The following ZDHHC11 variants were observed in gnomAD, a reference collection of about 807,000 sequenced individuals.
The protein encoded by ZDHHC11 is zDHHC palmitoyltransferase 11.
A neutral mutation model predicts 51.3 loss-of-function variants in ZDHHC11; 44 were observed. The observed-to-expected ratio is 0.86, with a 90% CI of 0.67 to 1.10. The LOEUF (loss-of-function observed/expected upper bound fraction) is 1.10, where lower values mean the gene tolerates loss of function less well. Ranked by LOEUF, ZDHHC11 falls within the 50% of genes least tolerant of loss-of-function variation. The pLI, the probability that ZDHHC11 is intolerant of heterozygous loss-of-function variation, is 0.00. For synonymous variants in ZDHHC11, 163 were observed against 222.0 expected, an observed-to-expected ratio of 0.73 and a Z score of 2.36; for missense variants, 400 against 537.7, an observed-to-expected ratio of 0.74 and a Z score of 2.53.
intron 11 of ZDHHC11, among the ~76,000 whole-genome samples, chr5:805,902 G>A (rs1739179788): frequency 6.6e-6 from 1 of 151,128 alleles, no homozygotes; most frequent in South Asian, 2.1e-4. Context: ...GGATGGGGGT[G>A]GGATGTGAGG....
chr5:797,197 ACT>A (rs1172808944), intron 12 of ZDHHC11, among the ~76,000 whole-genome samples: 2 of 149,534 alleles, frequency 1.3e-5, no homozygotes, highest in East Asian at 2.0e-4. Flanking sequence ...ACACAGCGAG[ACT>A]CTGTCTAAAT....
At chr5:838,899 A>AT (rs1221579173) in intron 5 of ZDHHC11, among the ~76,000 whole-genome samples, 1 of 148,968 alleles carries the variant, frequency 6.7e-6, no homozygotes, top group Non-Finnish European at 1.5e-5. Flanking sequence ...CCAGGGAAAC[A>AT]TTTTGTACAC....
chr5:837,498 G>A lies in ZDHHC11; in HGVS notation c.785-18C>T, dbSNP rs188647029. 11,052 of 1,605,802 alleles carry A rather than the reference G, an allele frequency of 6.9e-3. 138 individuals carry two copies. Among genetic ancestry groups the A allele is most frequent in the Middle Eastern group, 8.4e-3 (51 of 6,048 alleles). On this transcript the variant is annotated intron_variant, in intron 5 of 12. Transcript: ENST00000283441. ...CTTGGCCTCTGGAAAGGGAAAAGGA[G>A]GAACAGGACAAGATACCAGCCCTGC...
intron 11 of ZDHHC11, among the ~76,000 whole-genome samples, chr5:808,701 A>ATTTTTT (rs1161740691): frequency 5.4e-5 from 7 of 129,254 alleles, no homozygotes; most frequent in Non-Finnish European, 1.0e-4. Context: ...AACCTAGCTA[A>ATTTTTT]TTTTTTTTTT....
intron 11 of ZDHHC11, among the ~76,000 whole-genome samples, chr5:801,903 TAA>T (rs1738481082): frequency 6.6e-6 from 1 of 151,408 alleles, no homozygotes; most frequent in Non-Finnish European, 1.5e-5. Flanking sequence ...ATCCAATCCT[TAA>T]AAATTATAAT....
At position 825,175 on chromosome 5, in the gene ZDHHC11, A is replaced by G. The variant is rs1371412218; in HGVS notation, c.1012T>C (p.Ser338Pro). Residue 338 changes from serine (S) to proline (P), a missense_variant, in exon 8 of 13, where the codon TCG (serine) becomes CCG (proline). By Grantham distance (74) the Ser-to-Pro change is moderately conservative (BLOSUM62 -1). Transcript: ENST00000283441. ...TGACTGCAACTTACCCGTGCCGTCG[A>G]ATCCCCATCCTGGTTTACTGAAGTG... ...FCTSVNQDGD[S>P]TAREGDEDPC... The G allele has an allele frequency of 4.3e-6, 7 of 1,612,350 alleles. No individual in the cohort carries two copies. Among genetic ancestry groups the G allele is most frequent in the African/African-American group, 1.3e-5 (1 of 74,756 alleles).
At chr5:835,186 T>C (rs1055436154) in intron 6 of ZDHHC11, among the ~76,000 whole-genome samples, 2 of 150,822 alleles carry the variant, frequency 1.3e-5, no homozygotes, top group Non-Finnish European at 3.0e-5. Flanking sequence ...GATTTGGGGC[T>C]AATTCTTCCG....
intron 11 of ZDHHC11, among the ~76,000 whole-genome samples, chr5:813,836 AAGG>A (rs1240944991): frequency 6.9e-6 from 1 of 145,594 alleles, no homozygotes; most frequent in Non-Finnish European, 1.5e-5. Context: ...TGAAGGCAGG[AAGG>A]AGGCTGTGTC....
At position 850,633 on chromosome 5, in the gene ZDHHC11, C is replaced by T. The variant is rs374531234; in HGVS notation, c.-31G>A. The T allele has an allele frequency of 1.8e-5, 29 of 1,605,684 alleles. No homozygotes were observed. Among genetic ancestry groups the T allele is most frequent in the South Asian group, 5.5e-5 (5 of 90,914 alleles). ...GGACACAGAAGGGGAGGACCTGCGCCGTCAGATCCTGGGAGGGCCGGCCCC... is the reference window on the plus strand; with the variant it reads ...GGACACAGAAGGGGAGGACCTGCGCTGTCAGATCCTGGGAGGGCCGGCCCC... On this transcript the variant is annotated 5_prime_UTR_variant, in exon 1 of 13. Transcript: ENST00000283441.
At chr5:796,973 C>T (rs1242817218) in intron 12 of ZDHHC11, among the ~76,000 whole-genome samples, 10 of 151,624 alleles carry the variant, frequency 6.6e-5, no homozygotes, top group African/African-American at 1.5e-4. Context: ...TTTGGGAGTC[C>T]GAGGCGGGTG....
In ZDHHC11 at chr5:850,358, C is replaced by A. The variant is rs72491326; in HGVS notation, c.222+23G>T. 45,909 of 1,611,544 alleles carry A rather than the reference C, an allele frequency of 0.028. 4,600 individuals are homozygous for A. In the African/African-American group the frequency reaches 0.31, roughly 11 times the overall value. ...CCTCCAGGAACCCCTCCCGCTTAGA[C>A]CATGCCACGATGAAAAGGATACCAC... On this transcript the variant is annotated intron_variant, in intron 1 of 12. Transcript: ENST00000283441.
chr5:848,560 T>A lies in ZDHHC11; in HGVS notation c.323A>T (p.Gln108Leu). Residue 108 changes from glutamine to leucine, a missense_variant, in exon 2 of 13, where the codon CAG (glutamine) becomes CTG (leucine). Transcript: ENST00000283441. ...SNVRLMKNYS[Q>L]PMPLFDRSKH... ...TGATCTGTCGAAGAGGGGCATGGGC[T>A]GAGAATAGTTCTTCATGAGTCTGAC... 6.4e-7 allele frequency: 1 copy of A among 1,567,664 alleles called. No individual in the cohort carries two copies. The highest frequency in any genetic ancestry group is 1.8e-5 in the Admixed American group (1 of 55,314).
In ZDHHC11 at chr5:850,930, C is replaced by T. The variant is rs1747129777; in HGVS notation, c.-328G>A. 1.3e-5 allele frequency: 6 copies of T among 448,952 alleles called. No homozygotes were observed. The highest frequency in any genetic ancestry group is 7.3e-5 in the Admixed American group (2 of 27,324). 27.8% of individuals were successfully genotyped at this position (448,952 alleles called of 1,614,324 possible). A position where few individuals can be genotyped will look rare whatever the true frequency, so the allele number is the denominator to read the frequency against. On this transcript the variant is annotated 5_prime_UTR_variant, in exon 1 of 13. Coordinates refer to ENST00000283441, the MANE Select transcript of ZDHHC11 (RefSeq NM_024786.3). Reference sequence around the variant, plus strand: ...CATCAGTTCCCCTGAGGATTTGTTACGTTCTGGGGAGTGCTCGACAGCCCC... The same window carrying T: ...CATCAGTTCCCCTGAGGATTTGTTATGTTCTGGGGAGTGCTCGACAGCCCC...
Position 850,863 on chromosome 5 carries a change from G to A in ZDHHC11, c.-261C>T, listed in dbSNP as rs757893142. ...CCAGAGCCGAGTGGCAACGGAAAAC[G>A]GCTCTCCAGGGTGTGGAGGACCCAG... On this transcript the variant is annotated 5_prime_UTR_variant, in exon 1 of 13. Coordinates refer to ENST00000283441, the MANE Select transcript of ZDHHC11 (RefSeq NM_024786.3). 18 of 579,606 alleles carry A rather than the reference G, an allele frequency of 3.1e-5. No homozygotes were observed. The highest frequency in any genetic ancestry group is 6.7e-5 in the South Asian group (3 of 44,910). The allele number at this position is 579,606 out of a possible 1,614,324, so 35.9% of individuals were successfully genotyped here. A position where few individuals can be genotyped will look rare whatever the true frequency, so the allele number is the denominator to read the frequency against.
chr5:857,144 T>C (rs962528363), intron 1 of ZDHHC11, among the ~76,000 whole-genome samples: 3 of 152,194 alleles, frequency 2.0e-5, no homozygotes, highest in Non-Finnish European at 4.4e-5. Flanking sequence ...AGACTTGTAA[T>C]GTTGGGTTCA....
intron 12 of ZDHHC11, among the ~76,000 whole-genome samples, chr5:800,059 G>A (rs1738194006): frequency 6.6e-6 from 1 of 151,336 alleles, no homozygotes; most frequent in Non-Finnish European, 1.5e-5. Context: ...AATTTTCACA[G>A]GATATACACA....
rs57727388 is a variant in ZDHHC11, at chr5:850,887, A to AGAGGACCTGGCCAGGCCTCTG, written c.-286_-285insCAGAGGCCTGGCCAGGTCCTC. 1.8e-6 allele frequency: 1 copy of AGAGGACCTGGCCAGGCCTCTG among 543,688 alleles called. No individual in the cohort carries two copies. The highest frequency in any genetic ancestry group is 1.9e-5 in the African/African-American group (1 of 52,650). 33.7% of individuals were successfully genotyped at this position (543,688 alleles called of 1,614,324 possible). On this transcript the variant is annotated 5_prime_UTR_variant, in exon 1 of 13. Coordinates refer to ENST00000283441, the MANE Select transcript of ZDHHC11 (RefSeq NM_024786.3). ...CGGCTCTCCAGGGTGTGGAGGACCC[A>AGAGGACCTGGCCAGGCCTCTG]GTGCCCGCGCGACCGCCCATCAGTT...
intron 5 of ZDHHC11, among the ~76,000 whole-genome samples, chr5:838,994 C>A (rs1246436226): frequency 7.2e-6 from 1 of 139,240 alleles, no homozygotes; most frequent in Non-Finnish European, 1.6e-5. Flanking sequence ...GTGGATGAGA[C>A]CATGTGGCCT....
At chr5:817,962 G>C (rs1191996536) in intron 10 of ZDHHC11, among the ~76,000 whole-genome samples, 1 of 151,318 alleles carries the variant, frequency 6.6e-6, no homozygotes, top group East Asian at 1.9e-4. Flanking sequence ...CTGTGCCACG[G>C]ACGCGGGTGT....
Sources: gnomAD v4.1 joint callset for allele counts (sites outside exome capture counted in the v4.1 genomes callset) on GRCh38, gnomAD v4.1.1 for gene constraint, MANE v1.5 for transcripts, NCBI Gene and HGNC (gene_info 2026-07-23, HGNC 2026-07-21) for gene names.